DSCAM: variants seen among roughly 807,000 people sequenced by gnomAD.
DSCAM encodes cell adhesion molecule DSCAM.
A neutral mutation model predicts 217.7 loss-of-function variants in DSCAM; 47 were observed. The observed-to-expected ratio is 0.22, with a 90% CI of 0.17 to 0.28. The LOEUF is 0.28. Among genes scored for constraint, DSCAM ranks in the 10% least tolerant of loss-of-function variants. The pLI is 1.00. For missense variants in DSCAM, 2,080 were observed against 2,618.3 expected, an observed-to-expected ratio of 0.79 and a Z score of 4.49; for synonymous variants, 1,056 against 1,015.3, an observed-to-expected ratio of 1.04 and a Z score of -0.76.
At chr21:40,516,724 G>C (rs1173492091) in intron 3 of DSCAM, among the ~76,000 whole-genome samples, 1 of 152,100 alleles carries the variant, frequency 6.6e-6, no homozygotes. Flanking sequence ...AAGTGCCAGG[G>C]AGAACATTCG....
chr21:40,833,863 G>C (rs554659326), intron 1 of DSCAM, among the ~76,000 whole-genome samples: 76 of 152,230 alleles, frequency 5.0e-4, no homozygotes, highest in African/African-American at 1.8e-3. Context: ...ATGTTGAACT[G>C]GATCATTCTT....
chr21:40,601,766 T>A (rs1766508077), intron 3 of DSCAM, among the ~76,000 whole-genome samples: 1 of 152,190 alleles, frequency 6.6e-6, no homozygotes, highest in African/African-American at 2.4e-5. Flanking sequence ...GTTGTTATGA[T>A]CATATGATTT....
At chr21:40,299,769 G>A (rs895571306) in intron 9 of DSCAM, among the ~76,000 whole-genome samples, 4 of 151,754 alleles carry the variant, frequency 2.6e-5, no homozygotes, top group African/African-American at 9.7e-5. Flanking sequence ...TTATCCCTAG[G>A]GACAACAAAG....
chr21:40,016,734 A>G lies in DSCAM; in HGVS notation c.5687-3348T>C, dbSNP rs1286314466. On this transcript the variant is annotated intron_variant, in intron 32 of 32. Coordinates refer to ENST00000400454, the MANE Select transcript of DSCAM (RefSeq NM_001389.5). The surrounding 1 kb of genome is among the most constrained non-coding windows in gnomAD (Gnocchi z 4.3). ...CTCTGCTAGCGGGGCAATGAAAGTG[A>G]TATGTGTTTAGACAGTGTTTAAAGC... Among the ~76,000 whole-genome samples, 3 of 152,210 alleles carry G rather than the reference A, an allele frequency of 2.0e-5. No homozygotes were observed. Among genetic ancestry groups the G allele is most frequent in the Non-Finnish European group, 4.4e-5 (3 of 68,026 alleles).
intron 11 of DSCAM, among the ~76,000 whole-genome samples, chr21:40,194,002 G>A (rs767077155): frequency 1.6e-4 from 24 of 152,128 alleles, no homozygotes; most frequent in Non-Finnish European, 2.5e-4. Flanking sequence ...ATTGTTTTGA[G>A]GACTTGTTTG....
In DSCAM at chr21:40,144,778, C is replaced by A; in HGVS notation, c.3019-47G>T. On this transcript the variant is annotated intron_variant, in intron 16 of 32. Transcript: ENST00000400454. The surrounding 1 kb of genome is among the most constrained non-coding windows in gnomAD (Gnocchi z 4.8). ...ACACTAAAGAAGTCTTGAGGTAGGA[C>A]AAGAGCGAAATCAACGCCCACACCC... 1 of 1,608,394 alleles carries A rather than the reference C, an allele frequency of 6.2e-7. No individual in the cohort carries two copies. Among genetic ancestry groups the A allele is most frequent in the South Asian group, 1.1e-5 (1 of 90,954 alleles).
At chr21:40,730,402 T>C (rs1204275732) in intron 1 of DSCAM, among the ~76,000 whole-genome samples, 1 of 152,204 alleles carries the variant, frequency 6.6e-6, no homozygotes, top group African/African-American at 2.4e-5. Flanking sequence ...AATTGAGTTG[T>C]AAAGTCTGAA....
At chr21:40,129,434 T>C (rs1437819425) in intron 19 of DSCAM, among the ~76,000 whole-genome samples, 4 of 152,174 alleles carry the variant, frequency 2.6e-5, no homozygotes, top group Non-Finnish European at 4.4e-5. Flanking sequence ...ACCCAGCACA[T>C]AACACAAGTG....
intron 1 of DSCAM, among the ~76,000 whole-genome samples, chr21:40,737,192 TATAAA>T (rs1225683371): frequency 6.6e-6 from 1 of 152,224 alleles, no homozygotes; most frequent in Non-Finnish European, 1.5e-5. Flanking sequence ...GACTCTTGGT[TATAAA>T]ATAAAAGGCA....
intron 19 of DSCAM, among the ~76,000 whole-genome samples, chr21:40,131,474 G>C (rs1248370771): frequency 2.0e-5 from 3 of 152,108 alleles, no homozygotes; most frequent in Non-Finnish European, 4.4e-5. Flanking sequence ...CACCCAGGCT[G>C]GAGTGCAGTT....
intron 8 of DSCAM, among the ~76,000 whole-genome samples, chr21:40,323,482 C>A (rs1351997513): frequency 6.6e-6 from 1 of 152,074 alleles, no homozygotes; most frequent in Non-Finnish European, 1.5e-5. Context: ...TGAAAAGTAT[C>A]TTGTTATTTT....
At chr21:40,665,918 C>T (rs1380284740) in intron 3 of DSCAM, among the ~76,000 whole-genome samples, 2 of 152,202 alleles carry the variant, frequency 1.3e-5, no homozygotes, top group Non-Finnish European at 2.9e-5. Context: ...CCCTGAGTAT[C>T]TCATGCCACC....
chr21:40,188,005 A>T lies in DSCAM; in HGVS notation c.2554-18T>A, dbSNP rs2090913730. ...GGCAAAATCTATGTGTAAAGCAGAA[A>T]GAAATTCATCTTTTTCAGTAGGCAA... On this transcript the variant is annotated intron_variant, in intron 12 of 32. Transcript: ENST00000400454. The T allele has an allele frequency of 6.3e-7, 1 of 1,598,606 alleles. No individual in the cohort carries two copies. The highest frequency in any genetic ancestry group is 1.3e-5 in the African/African-American group (1 of 74,336).
chr21:40,347,818 G>A lies in DSCAM; in HGVS notation c.1062C>T (p.Leu354=). 6.2e-7 allele frequency: 1 copy of A among 1,614,148 alleles called. No homozygotes were observed. Among genetic ancestry groups the A allele is most frequent in the Non-Finnish European group, 8.5e-7 (1 of 1,180,016 alleles). ...TGATCCTCACATTTTTTCCAGGGTT[G>A]AGGATTTCACCATTGCGGTACCAGG... is the stretch of plus-strand genomic sequence containing the variant. The part of the protein sequence containing the change: ...ELSWYRNGEI[L]NPGKNVRITG... Residue 354 remains leucine (L), a synonymous_variant, in exon 6 of 33, where the codon CTC becomes CTT. Transcript: ENST00000400454.
intron 3 of DSCAM, among the ~76,000 whole-genome samples, chr21:40,587,133 C>G (rs2076952554): frequency 6.6e-6 from 1 of 152,032 alleles, no homozygotes; most frequent in South Asian, 2.1e-4. Context: ...GTGTAATAAT[C>G]TCATCAATGA....
In DSCAM at chr21:40,421,911, A is replaced by G. The variant is rs560853215; in HGVS notation, c.509-52666T>C. ...CAGAGCCAACCTTGAGAAATGTCCTATAGGGCTGTGGTTTCCCTGCCTAAG... is the reference window on the plus strand; with the variant it reads ...CAGAGCCAACCTTGAGAAATGTCCTGTAGGGCTGTGGTTTCCCTGCCTAAG... On this transcript the variant is annotated intron_variant, in intron 3 of 32. Transcript: ENST00000400454. 8.5e-5 allele frequency among the ~76,000 whole-genome samples: 13 copies of G among 152,362 alleles called. No homozygotes were observed. In the East Asian group the frequency reaches 2.5e-3, roughly 29 times the overall value.
intron 11 of DSCAM, among the ~76,000 whole-genome samples, chr21:40,224,181 A>C (rs2091311945): frequency 1.3e-5 from 2 of 152,204 alleles, no homozygotes; most frequent in African/African-American, 4.8e-5. Flanking sequence ...TTTCTCCCCC[A>C]AGAAATCAAA....
intron 8 of DSCAM, 45 bp from the exon 9 acceptor site, chr21:40,312,404 A>C (rs757755474): frequency 2.5e-6 from 4 of 1,594,568 alleles, no homozygotes; most frequent in South Asian, 2.3e-5. Context: ...CTTATTCTAC[A>C]TTTGCTTTTC....
At chr21:40,172,391 A>G (rs149989669) in intron 15 of DSCAM, among the ~76,000 whole-genome samples, 1 of 152,260 alleles carries the variant, frequency 6.6e-6, no homozygotes, top group Non-Finnish European at 1.5e-5. Context: ...TGCAAAGGTA[A>G]AAGTCAGGAC....
Sources: allele counts gnomAD v4.1 joint callset (sites outside exome capture counted in the v4.1 genomes callset), GRCh38; gene constraint gnomAD v4.1.1; non-coding constraint Gnocchi (gnomAD v3.1); transcripts MANE v1.5; gene names NCBI Gene and HGNC (gene_info 2026-07-23, HGNC 2026-07-21).